Variants in IL1RAPL2 observed in about 807,000 individuals in gnomAD.
IL1RAPL2 encodes the protein X-linked interleukin-1 receptor accessory protein-like 2.
Under a neutral mutation model 44.1 loss-of-function variants are expected in IL1RAPL2, and 3 were observed. The ratio of observed to expected loss-of-function variants is 0.07; its 90% CI spans 0.03 to 0.18. The LOEUF is 0.18. IL1RAPL2 is among the 10% of genes least tolerant of loss of function. The pLI is 1.00. For missense variants in IL1RAPL2, 391 were observed against 496.4 expected (o/e 0.79, Z 2.02); for synonymous variants, 181 against 178.8 (o/e 1.01, Z -0.10).
chrX:105,637,300 C>A (rs1393912007), intron 6 of IL1RAPL2, among the ~76,000 whole-genome samples: 1 of 111,799 alleles, frequency 8.9e-6, no homozygotes, highest in Non-Finnish European at 1.9e-5. Flanking sequence ...TATATCTCAC[C>A]TCAGTGCAGA....
chrX:104,637,992 T>G (rs748596496), intron 1 of IL1RAPL2, among the ~76,000 whole-genome samples: 5 of 111,567 alleles, frequency 4.5e-5, no homozygotes, highest in Non-Finnish European at 9.4e-5. Flanking sequence ...CCATCTGGTC[T>G]TGGATGTTTC....
chrX:105,023,291 G>A (rs995653512), intron 2 of IL1RAPL2, among the ~76,000 whole-genome samples: 15 of 110,266 alleles, frequency 1.4e-4, no homozygotes, highest in African/African-American at 3.9e-4. Context: ...TGAAACTTTC[G>A]AATCTTCTCT....
At chrX:105,242,506 G>C (rs868968562) in intron 4 of IL1RAPL2, among the ~76,000 whole-genome samples, 1 of 111,156 alleles carries the variant, frequency 9.0e-6, no homozygotes, top group Non-Finnish European at 1.9e-5. Context: ...TCTTTCTCCC[G>C]TTCAGTCTAT....
intron 5 of IL1RAPL2, among the ~76,000 whole-genome samples, chrX:105,458,807 C>T (rs2036074147): frequency 9.0e-6 from 1 of 111,653 alleles, no homozygotes; most frequent in Non-Finnish European, 1.9e-5. Context: ...AAATCATGCC[C>T]TGAGAATGTA....
At chrX:105,371,965 G>A (rs1285304177) in intron 5 of IL1RAPL2, among the ~76,000 whole-genome samples, 1 of 111,394 alleles carries the variant, frequency 9.0e-6, no homozygotes, top group African/African-American at 3.3e-5. Flanking sequence ...ACTGAATTCA[G>A]GATGACCCCT....
intron 5 of IL1RAPL2, among the ~76,000 whole-genome samples, chrX:105,407,729 C>T (rs762834711): frequency 8.9e-6 from 1 of 111,958 alleles, no homozygotes; most frequent in East Asian, 2.8e-4. Context: ...TTGTACTTCA[C>T]TGTCATTCCA....
chrX:105,513,367 T>C (rs764204538), intron 6 of IL1RAPL2, among the ~76,000 whole-genome samples: 12 of 111,945 alleles, frequency 1.1e-4, no homozygotes, highest in African/African-American at 3.6e-4. Flanking sequence ...ATGATTGAAC[T>C]AATTTACACT....
intron 6 of IL1RAPL2, among the ~76,000 whole-genome samples, chrX:105,489,473 A>G (rs1247723317): frequency 4.5e-5 from 5 of 111,528 alleles, no homozygotes; most frequent in East Asian, 2.8e-4. Flanking sequence ...TTCATAAACT[A>G]CTTCTTTTCA....
intron 2 of IL1RAPL2, among the ~76,000 whole-genome samples, chrX:104,870,317 C>T (rs992568536): frequency 2.9e-4 from 33 of 112,288 alleles, no homozygotes; most frequent in African/African-American, 1.1e-3. Flanking sequence ...ATTACTCTTG[C>T]TTTTGAAGAA....
intron 2 of IL1RAPL2, among the ~76,000 whole-genome samples, chrX:105,136,975 A>G (rs765592026): frequency 8.9e-6 from 1 of 112,259 alleles, no homozygotes; most frequent in South Asian, 3.7e-4. Flanking sequence ...TCATTTCCCT[A>G]TCAGAAGCCA....
intron 4 of IL1RAPL2, among the ~76,000 whole-genome samples, chrX:105,239,525 T>C (rs1032283864): frequency 3.6e-4 from 35 of 96,608 alleles, no homozygotes; most frequent in African/African-American, 1.9e-3. Context: ...TCACCTACAT[T>C]GGGCCTTCAT....
At chrX:105,101,457 G>A (rs1002751150) in intron 2 of IL1RAPL2, among the ~76,000 whole-genome samples, 1 of 111,807 alleles carries the variant, frequency 8.9e-6, no homozygotes, top group Admixed American at 9.5e-5. Flanking sequence ...TTGGCATGTA[G>A]AATCTTTTTG....
chrX:105,001,688 G>A (rs958908305), intron 2 of IL1RAPL2, among the ~76,000 whole-genome samples: 8 of 111,573 alleles, frequency 7.2e-5, no homozygotes, highest in African/African-American at 2.6e-4. Flanking sequence ...TTAGGAGAGT[G>A]TTGATTCTTA....
chrX:104,894,783 A>G (rs1487452011), intron 2 of IL1RAPL2, among the ~76,000 whole-genome samples: 2 of 111,844 alleles, frequency 1.8e-5, no homozygotes, highest in East Asian at 5.6e-4. Flanking sequence ...TCTTGTCTCA[A>G]CTCATCAAAG....
In IL1RAPL2 at chrX:105,617,061, C is replaced by T. The variant is rs185033817; in HGVS notation, c.773-100306C>T. ...TTCCAGAACTGCTTTGAGGAACAAA[C>T]TAGATAACATACATACAATACTTAA... On this transcript the variant is annotated intron_variant, in intron 6 of 10. Transcript: ENST00000372582. 5.4e-5 allele frequency among the ~76,000 whole-genome samples: 6 copies of T among 110,288 alleles called. No homozygotes were observed. The Admixed American group carries it at 5.9e-4, about 11-fold the overall frequency.
At chrX:105,361,785 G>A (rs2035249824) in intron 5 of IL1RAPL2, among the ~76,000 whole-genome samples, 1 of 111,856 alleles carries the variant, frequency 8.9e-6, no homozygotes, top group South Asian at 3.7e-4. Flanking sequence ...ACTTCTTGAA[G>A]AGGACTTAAT....
At chrX:105,665,018 A>G (rs1023129756) in intron 6 of IL1RAPL2, among the ~76,000 whole-genome samples, 1 of 112,359 alleles carries the variant, frequency 8.9e-6, no homozygotes, top group African/African-American at 3.2e-5. Context: ...AGCTTAAATT[A>G]TCAGAATACA....
At chrX:104,790,865 A>T (rs866970586) in intron 2 of IL1RAPL2, among the ~76,000 whole-genome samples, 3 of 111,811 alleles carry the variant, frequency 2.7e-5, no homozygotes, top group African/African-American at 9.8e-5. Flanking sequence ...GTGATCCTCC[A>T]CAAGACAGTG....
chrX:104,935,043 G>T (rs1924994151), intron 2 of IL1RAPL2, among the ~76,000 whole-genome samples: 1 of 111,558 alleles, frequency 9.0e-6, no homozygotes, highest in Non-Finnish European at 1.9e-5. Flanking sequence ...TATATAAAAT[G>T]CTTAATAAAA....
Sources: allele counts gnomAD v4.1 joint callset (sites outside exome capture counted in the v4.1 genomes callset), GRCh38; gene constraint gnomAD v4.1.1; transcripts MANE v1.5; gene names NCBI Gene and HGNC (gene_info 2026-07-23, HGNC 2026-07-21).